The following SDK1 variants were observed in gnomAD, a reference collection of about 807,000 sequenced individuals.
SDK1 encodes the protein protein sidekick-1.
In SDK1, 157 loss-of-function variants were observed where a neutral mutation model predicts 245.5. The observed-to-expected ratio is 0.64, with a 90% CI of 0.56 to 0.73. SDK1 has a LOEUF of 0.73. Among genes scored for constraint, SDK1 ranks in the 30% least tolerant of loss-of-function variants. The probability of loss-of-function intolerance (pLI) is 0.00; values close to 1 mark genes in which losing one functional copy is unlikely to be tolerated. For synonymous variants in SDK1, 1,647 were observed against 1,278.5 expected, an observed-to-expected ratio of 1.29 and a Z score of -6.15; for missense variants, 3,583 against 3,002.3, an observed-to-expected ratio of 1.19 and a Z score of -4.52.
In SDK1 at chr7:3,962,652, CG is replaced by C; in HGVS notation, c.1235-4del. 1 of 1,599,268 alleles carries C rather than the reference CG, an allele frequency of 6.3e-7. No individual in the cohort carries two copies. Among genetic ancestry groups the C allele is most frequent in the Non-Finnish European group, 8.5e-7 (1 of 1,171,578 alleles). ...AAAATCCTATTTATTCCCATTCCTA[CG>C]CAGGGGTCCCCCTTCCCACCCTCCA... On this transcript the variant is annotated splice_region_variant and splice_polypyrimidine_tract_variant and intron_variant, in intron 8 of 44. Transcript: ENST00000404826.
chr7:3,972,290 A>C (rs1782550403), intron 12 of SDK1, among the ~76,000 whole-genome samples: 1 of 152,136 alleles, frequency 6.6e-6, no homozygotes, highest in African/African-American at 2.4e-5. Context: ...CATGTTAGCC[A>C]GGATGGTCTC....
chr7:3,621,630 G>T (rs978665599), intron 2 of SDK1, among the ~76,000 whole-genome samples: 1 of 152,154 alleles, frequency 6.6e-6, no homozygotes, highest in African/African-American at 2.4e-5. Flanking sequence ...ACAGGCCTTT[G>T]TGTAGGCACC....
At chr7:3,644,200 T>C (rs975591081) in intron 4 of SDK1, among the ~76,000 whole-genome samples, 4 of 149,874 alleles carry the variant, frequency 2.7e-5, no homozygotes, top group Admixed American at 2.0e-4. Context: ...CCACTTAAGC[T>C]TATTTCACAA....
intron 1 of SDK1, among the ~76,000 whole-genome samples, chr7:3,318,062 C>T (rs1779706475): frequency 6.6e-6 from 1 of 152,146 alleles, no homozygotes; most frequent in African/African-American, 2.4e-5. Context: ...ATATTTTATG[C>T]ATATACAACT....
chr7:4,181,635 C>A (rs1257107442), intron 35 of SDK1, among the ~76,000 whole-genome samples: 1 of 152,222 alleles, frequency 6.6e-6, no homozygotes, highest in Non-Finnish European at 1.5e-5. Context: ...AACACACCCA[C>A]ACCCTCCACG....
chr7:3,421,248 T>G (rs1167940201), intron 1 of SDK1, among the ~76,000 whole-genome samples: 1 of 152,018 alleles, frequency 6.6e-6, no homozygotes, highest in Non-Finnish European at 1.5e-5. Context: ...ATTTTTGTAA[T>G]TTTAATAGAG....
chr7:3,530,799 A>C (rs1435709211), intron 1 of SDK1, among the ~76,000 whole-genome samples: 1 of 152,214 alleles, frequency 6.6e-6, no homozygotes, highest in Non-Finnish European at 1.5e-5. Flanking sequence ...TGAGTCTTTG[A>C]ATTTCATCTG....
chr7:3,411,960 A>T (rs934800230), intron 1 of SDK1, among the ~76,000 whole-genome samples: 1 of 152,190 alleles, frequency 6.6e-6, no homozygotes, highest in African/African-American at 2.4e-5. Context: ...TAGCATGTAG[A>T]GGAGAAACGC....
chr7:3,946,287 C>G (rs1780575706), intron 5 of SDK1, among the ~76,000 whole-genome samples: 1 of 152,080 alleles, frequency 6.6e-6, no homozygotes, highest in African/African-American at 2.4e-5. Flanking sequence ...AAGTGATCCT[C>G]CTGCCTCAGC....
chr7:4,012,912 A>G (rs903659828), intron 16 of SDK1, among the ~76,000 whole-genome samples: 1 of 151,998 alleles, frequency 6.6e-6, no homozygotes, highest in Non-Finnish European at 1.5e-5. Context: ...TAAGTTTTCA[A>G]CCAAGGGCAT....
chr7:3,780,321 C>T (rs1011429283), intron 4 of SDK1, among the ~76,000 whole-genome samples: 1 of 152,152 alleles, frequency 6.6e-6, no homozygotes, highest in Non-Finnish European at 1.5e-5. Context: ...CACAAGAAGC[C>T]CACTCTGGTC....
chr7:3,796,396 A>G (rs955905102), intron 4 of SDK1, among the ~76,000 whole-genome samples: 1 of 152,214 alleles, frequency 6.6e-6, no homozygotes, highest in Admixed American at 6.5e-5. Flanking sequence ...TCTCAGAATG[A>G]TACTCTGAAG....
intron 44 of SDK1, among the ~76,000 whole-genome samples, chr7:4,261,221 G>A (rs1787982846): frequency 6.6e-6 from 1 of 152,152 alleles, no homozygotes; most frequent in Non-Finnish European, 1.5e-5. Flanking sequence ...GTCGGCTCAT[G>A]GATCAGAGCT....
intron 4 of SDK1, among the ~76,000 whole-genome samples, chr7:3,718,716 T>A (rs1007364264): frequency 6.6e-6 from 1 of 152,094 alleles, no homozygotes; most frequent in South Asian, 2.1e-4. Context: ...TGAATGCTTT[T>A]TCCCCAAAGT....
chr7:3,669,646 C>G lies in SDK1; in HGVS notation c.713+27541C>G, dbSNP rs529148530. ...CTCAATCCTTGGTCCTAGCACTTCA[C>G]TACCTCCCACCTTATTCTCCCTCCT... On this transcript the variant is annotated intron_variant, in intron 4 of 44. Transcript: ENST00000404826. 3.9e-5 allele frequency among the ~76,000 whole-genome samples: 6 copies of G among 152,278 alleles called. No homozygotes were observed. In the East Asian group the frequency reaches 1.2e-3, roughly 29 times the overall value.
intron 4 of SDK1, among the ~76,000 whole-genome samples, chr7:3,674,098 A>G (rs1783810974): frequency 6.6e-6 from 1 of 152,200 alleles, no homozygotes; most frequent in Non-Finnish European, 1.5e-5. Context: ...TCTGAATGGC[A>G]CAGACCGATC....
At chr7:3,985,282 T>C (rs1562620786) in intron 13 of SDK1, among the ~76,000 whole-genome samples, 1 of 152,270 alleles carries the variant, frequency 6.6e-6, no homozygotes, top group Non-Finnish European at 1.5e-5. Flanking sequence ...GATACATTCT[T>C]TATGATAAAC....
intron 5 of SDK1, among the ~76,000 whole-genome samples, chr7:3,907,776 A>C (rs1280472362): frequency 2.0e-5 from 3 of 152,230 alleles, no homozygotes; most frequent in African/African-American, 7.2e-5. Flanking sequence ...AGGTTAACAT[A>C]TATGATATTC....
At chr7:3,679,707 A>C (rs902577313) in intron 4 of SDK1, among the ~76,000 whole-genome samples, 1 of 152,258 alleles carries the variant, frequency 6.6e-6, no homozygotes, top group East Asian at 1.9e-4. Context: ...ATGAGATTTC[A>C]CTTCCTACCT....
Sources: gnomAD v4.1 joint callset for allele counts (sites outside exome capture counted in the v4.1 genomes callset) on GRCh38, gnomAD v4.1.1 for gene constraint, MANE v1.5 for transcripts, NCBI Gene and HGNC (gene_info 2026-07-23, HGNC 2026-07-21) for gene names.